The following CNTN4 variants were observed in gnomAD, a reference collection of about 807,000 sequenced individuals.
CNTN4 encodes the protein contactin 4, also known as contactin-4.
Under a neutral mutation model 122.5 loss-of-function variants are expected in CNTN4, and 77 were observed. The observed-to-expected ratio is 0.63, with a 90% CI of 0.52 to 0.76. CNTN4 has a LOEUF of 0.76. Among genes scored for constraint, CNTN4 ranks in the 30% least tolerant of loss-of-function variants. The probability of loss-of-function intolerance (pLI) is 0.00; values close to 1 mark genes in which losing one functional copy is unlikely to be tolerated. For synonymous variants in CNTN4, 512 were observed against 447.0 expected (o/e 1.15, Z -1.83); for missense variants, 1,256 against 1,259.1 (o/e 1.00, Z 0.04).
rs977686077 is a variant in CNTN4, at chr3:2,341,980, A to T, written c.-89+2747A>T. On this transcript the variant is annotated intron_variant, in intron 3 of 24. Coordinates refer to ENST00000418658, the MANE Select transcript of CNTN4 (RefSeq NM_175607.3). Reference sequence around the variant, plus strand: ...GTAGACACTTGAGTTTAATATCCTTAGCTACCCAAAGATACATGGATTGAT... The same window carrying T: ...GTAGACACTTGAGTTTAATATCCTTTGCTACCCAAAGATACATGGATTGAT... Among the ~76,000 whole-genome samples the T allele has an allele frequency of 7.2e-5, 11 of 152,124 alleles. 1 individual carries two copies. The highest frequency in any genetic ancestry group is 7.2e-4 in the Admixed American group (11 of 15,280).
chr3:2,467,469 A>C (rs1368483219), intron 3 of CNTN4, among the ~76,000 whole-genome samples: 1 of 152,130 alleles, frequency 6.6e-6, no homozygotes, highest in African/African-American at 2.4e-5. Flanking sequence ...TAGCAAGAGA[A>C]TGGTTTTCAT....
At chr3:2,606,411 G>C (rs955717581) in intron 4 of CNTN4, among the ~76,000 whole-genome samples, 1 of 152,086 alleles carries the variant, frequency 6.6e-6, no homozygotes, top group East Asian at 1.9e-4. Context: ...CAGGTGATAG[G>C]TTGATAGGTG....
intron 6 of CNTN4, among the ~76,000 whole-genome samples, chr3:2,747,315 A>G (rs1251250507): frequency 1.4e-4 from 22 of 151,924 alleles, no homozygotes; most frequent in Non-Finnish European, 2.9e-4. Flanking sequence ...AGGCTGAGGC[A>G]GGAGAATGGC....
At chr3:2,225,028 T>C (rs532499396) in intron 2 of CNTN4, among the ~76,000 whole-genome samples, 55 of 151,806 alleles carry the variant, frequency 3.6e-4, no homozygotes, top group African/African-American at 1.3e-3. Context: ...CGGGCGCCTG[T>C]AGTCCCAGCT....
At chr3:2,467,265 A>C (rs574203576) in intron 3 of CNTN4, among the ~76,000 whole-genome samples, 6 of 152,134 alleles carry the variant, frequency 3.9e-5, no homozygotes, top group African/African-American at 1.2e-4. Context: ...TGAATTCTAA[A>C]TTTAGTTTCT....
intron 3 of CNTN4, among the ~76,000 whole-genome samples, chr3:2,397,030 G>T (rs1390726792): frequency 6.6e-6 from 1 of 152,176 alleles, no homozygotes; most frequent in African/African-American, 2.4e-5. Context: ...CAAGGGTTTT[G>T]ATTGTTTTGA....
intron 3 of CNTN4, among the ~76,000 whole-genome samples, chr3:2,400,834 T>G (rs2046831369): frequency 1.3e-5 from 2 of 151,472 alleles, no homozygotes; most frequent in Non-Finnish European, 2.9e-5. Flanking sequence ...ATGTTCCAAC[T>G]TTCAATTTCT....
At chr3:3,028,126 C>T (rs1698882513) in intron 15 of CNTN4, among the ~76,000 whole-genome samples, 2 of 152,134 alleles carry the variant, frequency 1.3e-5, no homozygotes, top group Admixed American at 6.6e-5. Context: ...CTTCGACTTC[C>T]TGGGTCAGCA....
chr3:2,326,317 C>G (rs945092843), intron 2 of CNTN4, among the ~76,000 whole-genome samples: 4 of 152,122 alleles, frequency 2.6e-5, no homozygotes, highest in African/African-American at 9.7e-5. Flanking sequence ...ACCTGTCAGC[C>G]TTCAGACTGG....
intron 12 of CNTN4, among the ~76,000 whole-genome samples, chr3:2,918,713 C>A (rs1282632230): frequency 6.6e-6 from 1 of 152,190 alleles, no homozygotes; most frequent in Non-Finnish European, 1.5e-5. Flanking sequence ...TACTATCACA[C>A]CAGTTCAGAT....
At chr3:2,703,701 A>G (rs1402756178) in intron 4 of CNTN4, among the ~76,000 whole-genome samples, 2 of 152,164 alleles carry the variant, frequency 1.3e-5, no homozygotes, top group African/African-American at 4.8e-5. Flanking sequence ...TGAAAGAAGA[A>G]AACAAAATTG....
At chr3:2,978,190 TAC>T (rs1358991201) in intron 13 of CNTN4, among the ~76,000 whole-genome samples, 1 of 152,170 alleles carries the variant, frequency 6.6e-6, no homozygotes, top group Non-Finnish European at 1.5e-5. Context: ...AGGAAACTAC[TAC>T]CACACCACAC....
At chr3:2,769,852 C>G (rs1350908660) in intron 6 of CNTN4, among the ~76,000 whole-genome samples, 1 of 152,132 alleles carries the variant, frequency 6.6e-6, no homozygotes, top group Non-Finnish European at 1.5e-5. Flanking sequence ...AAAATAGCAG[C>G]AAGACAGGCT....
chr3:2,531,084 A>G (rs1402728016), intron 3 of CNTN4, among the ~76,000 whole-genome samples: 1 of 152,306 alleles, frequency 6.6e-6, no homozygotes, highest in East Asian at 1.9e-4. Context: ...AAGCCTGGGG[A>G]AAGAACCTCC....
intron 13 of CNTN4, among the ~76,000 whole-genome samples, chr3:2,946,537 A>C (rs1232109052): frequency 6.6e-6 from 1 of 152,144 alleles, no homozygotes; most frequent in Non-Finnish European, 1.5e-5. Context: ...CCAAGGGTTC[A>C]CTGAAATGAG....
intron 13 of CNTN4, among the ~76,000 whole-genome samples, chr3:2,954,728 A>G (rs1005580853): frequency 2.0e-5 from 3 of 152,054 alleles, no homozygotes; most frequent in Non-Finnish European, 2.9e-5. Context: ...TAGTCACGCA[A>G]TCTGGACCTA....
intron 13 of CNTN4, among the ~76,000 whole-genome samples, chr3:2,986,571 G>A: frequency 6.6e-6 from 1 of 152,136 alleles, no homozygotes; most frequent in East Asian, 1.9e-4. Flanking sequence ...AAAAGTATAT[G>A]CAGCATTTGC....
chr3:2,636,185 C>G (rs1430664234), intron 4 of CNTN4, among the ~76,000 whole-genome samples: 1 of 152,148 alleles, frequency 6.6e-6, no homozygotes, highest in East Asian at 1.9e-4. Context: ...AACCCCAAAC[C>G]TTGGCATTTT....
chr3:2,598,812 T>C (rs2080891873), intron 4 of CNTN4, among the ~76,000 whole-genome samples: 1 of 152,186 alleles, frequency 6.6e-6, no homozygotes, highest in Non-Finnish European at 1.5e-5. Context: ...CCAACATATA[T>C]ACATGAAAGG....
Sources: allele counts gnomAD v4.1 joint callset (sites outside exome capture counted in the v4.1 genomes callset), GRCh38; gene constraint gnomAD v4.1.1; transcripts MANE v1.5; gene names NCBI Gene and HGNC (gene_info 2026-07-23, HGNC 2026-07-21).